CSMD2: variants seen among roughly 807,000 people sequenced by gnomAD.
CSMD2 encodes CUB and sushi domain-containing protein 2.
In CSMD2, 130 loss-of-function variants were observed where a neutral mutation model predicts 398.5. The ratio of observed to expected loss-of-function variants is 0.33; its 90% CI spans 0.28 to 0.38. CSMD2 has a LOEUF of 0.38. Among genes scored for constraint, CSMD2 ranks in the 10% least tolerant of loss-of-function variants. CSMD2 has a pLI of 1.00. For missense variants in CSMD2, 3,829 were observed against 4,764.9 expected (o/e 0.80, Z 5.78); for synonymous variants, 1,828 against 1,908.5 (o/e 0.96, Z 1.10).
intron 3 of CSMD2, among the ~76,000 whole-genome samples, chr1:33,983,579 C>T (rs1451393659): frequency 6.6e-6 from 1 of 151,762 alleles, no homozygotes; most frequent in Non-Finnish European, 1.5e-5. Flanking sequence ...TCTATCTCTC[C>T]CTGTAGCAGA....
At chr1:33,871,127 A>G (rs1371023818) in intron 5 of CSMD2, 1 of 152,234 alleles carries the variant, frequency 6.6e-6, no homozygotes, top group Non-Finnish European at 1.5e-5. Context: ...ACCCATAGAA[A>G]CTAATAGGTG....
chr1:33,719,176 C>A (rs34972997), intron 19 of CSMD2, among the ~76,000 whole-genome samples: 5,057 of 152,276 alleles, frequency 0.033, 110 homozygotes, highest in South Asian at 0.047. Context: ...CGTGCATGCT[C>A]TACTCCTGAC....
chr1:33,780,824 T>A (rs1454452292), intron 12 of CSMD2, among the ~76,000 whole-genome samples: 1 of 152,208 alleles, frequency 6.6e-6, no homozygotes, highest in Non-Finnish European at 1.5e-5. Flanking sequence ...TCAGCGGGCA[T>A]CTTAGGAACA....
intron 24 of CSMD2, among the ~76,000 whole-genome samples, chr1:33,694,260 C>A (rs147331003): frequency 6.6e-6 from 1 of 152,036 alleles, no homozygotes; most frequent in South Asian, 2.1e-4. Context: ...AAGGGGACAA[C>A]GGGGAGTGGC....
In CSMD2 at chr1:33,890,223, TTTTTCTTTC is replaced by T. The variant is rs1223865523; in HGVS notation, c.920+27862_920+27870del. On this transcript the variant is annotated intron_variant, in intron 5 of 70. Coordinates refer to ENST00000373381, the MANE Select transcript of CSMD2 (RefSeq NM_001281956.2). ...TATATATAAAAGAATATACATATTC[TTTTTCTTTC>T]TTTTTTTTTTTTTTTTGAGATGGAG... is the stretch of plus-strand genomic sequence containing the variant. Among the ~76,000 whole-genome samples the T allele has an allele frequency of 2.4e-5, 3 of 127,302 alleles. No individual in the cohort carries two copies. In the East Asian group the frequency reaches 7.8e-4, roughly 33 times the overall value. 83.5% of individuals were successfully genotyped at this position (127,302 alleles called of 152,430 possible).
intron 13 of CSMD2, among the ~76,000 whole-genome samples, chr1:33,750,037 C>T (rs191560331): frequency 6.6e-6 from 1 of 152,072 alleles, no homozygotes; most frequent in East Asian, 1.9e-4. Context: ...AAATTCAGCC[C>T]TACAACAATA....
Position 33,636,249 on chromosome 1 carries a change from A to G in CSMD2, c.4969+111T>C. On this transcript the variant is annotated intron_variant, in intron 30 of 70. Coordinates refer to ENST00000373381, the MANE Select transcript of CSMD2 (RefSeq NM_001281956.2). The surrounding 1 kb of genome is among the most constrained non-coding windows in gnomAD (Gnocchi z 4.8). ...GCAAACCCAGGTTTGCCAGGCTTGG[A>G]GGAGCCGGGCTTGAGGACCTTGCCC... 9.4e-7 allele frequency: 1 copy of G among 1,060,172 alleles called. No individual in the cohort carries two copies. The allele number at this position is 1,060,172 out of a possible 1,614,324, so 65.7% of individuals were successfully genotyped here.
intron 48 of CSMD2, among the ~76,000 whole-genome samples, chr1:33,580,132 G>C (rs1042277774): frequency 3.9e-5 from 6 of 152,230 alleles, no homozygotes; most frequent in Admixed American, 6.5e-5. Flanking sequence ...GCGGAGCCCA[G>C]TCAGCAGTTC....
chr1:33,872,680 T>A (rs1640558881), intron 5 of CSMD2, among the ~76,000 whole-genome samples: 1 of 152,072 alleles, frequency 6.6e-6, no homozygotes, highest in Admixed American at 6.5e-5. Flanking sequence ...AGAAAACCTA[T>A]GAGAAGAAAC....
intron 1 of CSMD2, among the ~76,000 whole-genome samples, chr1:34,096,153 C>CA (rs1229070766): frequency 6.6e-6 from 1 of 151,930 alleles, no homozygotes; most frequent in Non-Finnish European, 1.5e-5. Context: ...GAGCCAAAGA[C>CA]AAAAACCACA....
chr1:33,822,704 G>GT (rs1658297674), intron 7 of CSMD2, among the ~76,000 whole-genome samples: 1 of 152,146 alleles, frequency 6.6e-6, no homozygotes. Context: ...GGAAGCCTCA[G>GT]TTTTTTGCAA....
chr1:33,557,659 C>T (rs920683368), intron 55 of CSMD2, 75 bp downstream of exon 55: 1 of 1,220,552 alleles, frequency 8.2e-7, no homozygotes, highest in African/African-American at 1.6e-5. Context: ...CACACACACA[C>T]ATGCACAGAG....
intron 5 of CSMD2, among the ~76,000 whole-genome samples, chr1:33,890,232 CTT>C (rs11417145): frequency 1.0e-4 from 13 of 130,402 alleles, no homozygotes; most frequent in South Asian, 4.8e-4. Flanking sequence ...CTTTTTCTTT[CTT>C]TTTTTTTTTT....
chr1:33,528,469 G>A (rs1654975875), intron 64 of CSMD2, among the ~76,000 whole-genome samples: 1 of 152,252 alleles, frequency 6.6e-6, no homozygotes, highest in African/African-American at 2.4e-5. Context: ...CTATGCCTCA[G>A]TACACAGAAT....
At chr1:33,832,012 C>G (rs890115611) in intron 6 of CSMD2, among the ~76,000 whole-genome samples, 10 of 151,962 alleles carry the variant, frequency 6.6e-5, no homozygotes, top group African/African-American at 2.4e-4. Flanking sequence ...GTTCATAAAG[C>G]AAGTCCTGAG....
At position 33,528,486 on chromosome 1, in the gene CSMD2, G is replaced by C. The variant is rs114434510; in HGVS notation, c.10172-1228C>G. Among the ~76,000 whole-genome samples, 1,029 of 152,346 alleles carry C rather than the reference G, an allele frequency of 6.8e-3. 16 individuals are homozygous for C. Among genetic ancestry groups the C allele is most frequent in the African/African-American group, 0.024 (996 of 41,584 alleles). Reference sequence around the variant, plus strand: ...ATGCCTCAGTACACAGAATGCTGTGGAGAAAGTTTCTGCAGTGACTCAATG... The same window carrying C: ...ATGCCTCAGTACACAGAATGCTGTGCAGAAAGTTTCTGCAGTGACTCAATG... On this transcript the variant is annotated intron_variant, in intron 64 of 70. Coordinates refer to ENST00000373381, the MANE Select transcript of CSMD2 (RefSeq NM_001281956.2).
intron 5 of CSMD2, among the ~76,000 whole-genome samples, chr1:33,885,654 A>G (rs1641542569): frequency 6.6e-6 from 1 of 152,174 alleles, no homozygotes; most frequent in Non-Finnish European, 1.5e-5. Flanking sequence ...TAGGAGAAGA[A>G]TCTGCCAAAT....
intron 1 of CSMD2, among the ~76,000 whole-genome samples, chr1:34,156,225 C>G (rs59495105): frequency 6.6e-6 from 1 of 152,172 alleles, no homozygotes; most frequent in Admixed American, 6.5e-5. Context: ...CAAGTCCCAC[C>G]CAATCACTGA....
In CSMD2 at chr1:33,772,666, G is replaced by A; in HGVS notation, c.1749C>T (p.Leu583=). 1.2e-6 allele frequency: 2 copies of A among 1,614,154 alleles called. No homozygotes were observed. Among genetic ancestry groups the A allele is most frequent in the Non-Finnish European group, 1.7e-6 (2 of 1,180,000 alleles). The change falls in exon 13 of 71, where the codon CTC becomes CTT. Residue 583 remains leucine, a synonymous_variant. Coordinates refer to ENST00000373381, the MANE Select transcript of CSMD2 (RefSeq NM_001281956.2). ...EGSRFHHGDT[L]KFECQPAFEL... ...CAAAGGCGGGCTGGCACTCAAACTT[G>A]AGTGTGTCACCGTGGTGAAACCGGG... is the stretch of plus-strand genomic sequence containing the variant.
Sources: allele counts gnomAD v4.1 joint callset (sites outside exome capture counted in the v4.1 genomes callset), GRCh38; gene constraint gnomAD v4.1.1; non-coding constraint Gnocchi (gnomAD v3.1); transcripts MANE v1.5; gene names NCBI Gene and HGNC (gene_info 2026-07-23, HGNC 2026-07-21).